The following PRDX6 variants were observed in gnomAD, a reference collection of about 807,000 sequenced individuals.
PRDX6 encodes the protein peroxiredoxin 6.
PRDX6 carries 13 observed loss-of-function variants against 20.0 expected under a neutral mutation model. The ratio of observed to expected loss-of-function variants is 0.65; its 90% confidence interval spans 0.42 to 1.03. PRDX6 has a LOEUF of 1.03. PRDX6 is among the 50% of genes least tolerant of loss of function. The pLI, the probability that PRDX6 is intolerant of heterozygous loss-of-function variation, is 0.00. For synonymous variants in PRDX6, 85 were observed against 100.8 expected, an observed-to-expected ratio of 0.84 and a Z score of 0.94; for missense variants, 203 against 276.9, an observed-to-expected ratio of 0.73 and a Z score of 1.89.
chr1:173,484,191 C>T lies in PRDX6; in HGVS notation c.253-1170C>T, dbSNP rs1016493984. Among the ~76,000 whole-genome samples, 108 of 139,640 alleles carry T rather than the reference C, an allele frequency of 7.7e-4. 1 individual carries two copies. Among genetic ancestry groups the T allele is most frequent in the African/African-American group, 2.7e-3 (101 of 37,672 alleles). The allele number at this position is 139,640 out of a possible 152,430, so 91.6% of individuals were successfully genotyped here. A position where few individuals can be genotyped will look rare whatever the true frequency, so the allele number is the denominator to read the frequency against. On this transcript the variant is annotated intron_variant, in intron 2 of 4. Transcript: ENST00000340385. ...ATTTATATATATACACACACACACACATACATATATATACATATGCACACG... is the reference window on the plus strand; with the variant it reads ...ATTTATATATATACACACACACACATATACATATATATACATATGCACACG...
Position 173,484,243 on chromosome 1 carries a change from A to ATGTG in PRDX6, c.253-1111_253-1108dup, listed in dbSNP as rs756190969. 1.3e-3 allele frequency among the ~76,000 whole-genome samples: 190 copies of ATGTG among 148,756 alleles called. 2 individuals are homozygous for ATGTG. The highest frequency in any genetic ancestry group is 2.4e-3 in the Non-Finnish European group (159 of 67,486). On this transcript the variant is annotated intron_variant, in intron 2 of 4. Coordinates refer to ENST00000340385, the MANE Select transcript of PRDX6 (RefSeq NM_004905.3). ...ATATAATATATATACACATATATATATGTGTGTGTGCATATATATATATAG... is the reference window on the plus strand; with the variant it reads ...ATATAATATATATACACATATATATATGTGTGTGTGTGTGCATATATATATATAG...
At chr1:173,480,239 G>A (rs1658778609) in intron 1 of PRDX6, among the ~76,000 whole-genome samples, 1 of 152,190 alleles carries the variant, frequency 6.6e-6, no homozygotes, top group African/African-American at 2.4e-5. Flanking sequence ...GAAACCTTGG[G>A]AGTTGAGTGG....
intron 2 of PRDX6, among the ~76,000 whole-genome samples, chr1:173,482,167 A>C (rs751538094): frequency 6.6e-6 from 1 of 152,170 alleles, no homozygotes. Flanking sequence ...CAAACTTGTC[A>C]GCTCTACCTT....
chr1:173,485,334 C>T (rs1464083705), intron 2 of PRDX6, 27 bp from the exon 3 acceptor site: 6 of 1,545,414 alleles, frequency 3.9e-6, no homozygotes, highest in Admixed American at 3.7e-5. Flanking sequence ...GTTTAGATTC[C>T]TCTTTCCCCT....
chr1:173,487,615 A>C (rs764624829), intron 4 of PRDX6, 120 bp from the exon 5 acceptor site: 24 of 1,105,740 alleles, frequency 2.2e-5, no homozygotes, highest in Admixed American at 1.9e-4. Flanking sequence ...CAGAGGGGAG[A>C]GTAAAGAACA....
At chr1:173,481,254 G>A in intron 1 of PRDX6, 72 bp from the exon 2 acceptor site, 8 of 1,411,954 alleles carry the variant, frequency 5.7e-6, no homozygotes, top group Non-Finnish European at 7.8e-6. Flanking sequence ...TCCAGAAGTT[G>A]TGACTTTTCA....
intron 1 of PRDX6, 89 bp from the exon 2 acceptor site, chr1:173,481,237 T>G: frequency 7.7e-7 from 1 of 1,300,766 alleles, no homozygotes; most frequent in Non-Finnish European, 1.1e-6. Flanking sequence ...AGAAAGCCTG[T>G]TTTTGATCCA....
intron 1 of PRDX6, among the ~76,000 whole-genome samples, chr1:173,479,475 C>T (rs1186900165): frequency 1.3e-5 from 2 of 152,180 alleles, no homozygotes; most frequent in African/African-American, 4.8e-5. Context: ...ATTTCTCTAC[C>T]TTACCCCTGA....
chr1:173,485,254 G>C, intron 2 of PRDX6, 107 bp from the exon 3 acceptor site: 1 of 1,097,864 alleles, frequency 9.1e-7, no homozygotes, highest in Non-Finnish European at 1.3e-6. Flanking sequence ...GAAAATTACT[G>C]TGATTTGGTC....
At position 173,478,517 on chromosome 1, in the gene PRDX6, T is replaced by C. The variant is rs35899698; in HGVS notation, c.95+1025T>C. Among the ~76,000 whole-genome samples, 1,098 of 146,030 alleles carry C rather than the reference T, an allele frequency of 7.5e-3. 25 individuals are homozygous for C. The highest frequency in any genetic ancestry group is 0.027 in the African/African-American group (1,050 of 38,670). On this transcript the variant is annotated intron_variant, in intron 1 of 4. Coordinates refer to ENST00000340385, the MANE Select transcript of PRDX6 (RefSeq NM_004905.3). Reference sequence around the variant, plus strand: ...AGGAGTAGTAAATCGGTGTTGCCCTTTTTTTTTTTTAACAGCTCCTGAATC... The same window carrying C: ...AGGAGTAGTAAATCGGTGTTGCCCTCTTTTTTTTTTAACAGCTCCTGAATC...
At chr1:173,486,958 T>C (rs1283621291) in intron 4 of PRDX6, among the ~76,000 whole-genome samples, 1 of 152,238 alleles carries the variant, frequency 6.6e-6, no homozygotes, top group Non-Finnish European at 1.5e-5. Flanking sequence ...TTTTGTTTTT[T>C]TCTGACAGAC....
rs534761114 is a variant in PRDX6, at chr1:173,477,618, G to T, written c.95+126G>T. The T allele has an allele frequency of 1.9e-4, 147 of 784,282 alleles. 3 individuals are homozygous for T. In the South Asian group the frequency reaches 2.3e-3, roughly 12 times the overall value. 48.6% of individuals were successfully genotyped at this position (784,282 alleles called of 1,614,324 possible). A position where few individuals can be genotyped will look rare whatever the true frequency, so the allele number is the denominator to read the frequency against. On this transcript the variant is annotated intron_variant, in intron 1 of 4. Coordinates refer to ENST00000340385, the MANE Select transcript of PRDX6 (RefSeq NM_004905.3). ...CCCTGCGCCGCCCTCGCCTTCCCCC[G>T]CACTGGTTCCGGCGCGCGCCAGGCC...
rs1658928561 is a variant in PRDX6, at chr1:173,487,966, G to T, written c.*103G>T. ...ACATCCTGGTGTCATCACAGCCAAG[G>T]TTTTTAGGTTGCTATACCAATGGCT... is the stretch of plus-strand genomic sequence containing the variant. On this transcript the variant is annotated 3_prime_UTR_variant, in exon 5 of 5. Transcript: ENST00000340385. 2.8e-6 allele frequency: 4 copies of T among 1,443,352 alleles called. No individual in the cohort carries two copies. The South Asian group carries it at 3.9e-5, about 14-fold the overall frequency. The allele number at this position is 1,443,352 out of a possible 1,614,324, so 89.4% of individuals were successfully genotyped here.
At chr1:173,479,982 C>G (rs908781763) in intron 1 of PRDX6, among the ~76,000 whole-genome samples, 11 of 152,250 alleles carry the variant, frequency 7.2e-5, no homozygotes, top group Non-Finnish European at 1.6e-4. Context: ...TTCTCAACTT[C>G]TGGAGACCTT....
chr1:173,477,771 TG>T (rs1241301481), intron 1 of PRDX6, among the ~76,000 whole-genome samples: 2 of 152,078 alleles, frequency 1.3e-5, no homozygotes, highest in Non-Finnish European at 2.9e-5. Context: ...CACGCCAAGG[TG>T]GGGGGTGGGG....
chr1:173,479,781 C>T (rs891744585), intron 1 of PRDX6, among the ~76,000 whole-genome samples: 3 of 152,166 alleles, frequency 2.0e-5, no homozygotes, highest in Admixed American at 2.0e-4. Flanking sequence ...GGAGTTTATC[C>T]TATTTGTAGC....
chr1:173,482,792 T>C (rs1658826410), intron 2 of PRDX6, among the ~76,000 whole-genome samples: 1 of 152,242 alleles, frequency 6.6e-6, no homozygotes, highest in African/African-American at 2.4e-5. Context: ...AGGGCAGTTA[T>C]CTGTCTTGAA....
rs748871147 is a variant in PRDX6 at position 173,477,374 on chromosome 1, C to A, written c.-24C>A. 1 of 1,586,392 alleles carries A rather than the reference C, an allele frequency of 6.3e-7. No homozygotes were observed. The highest frequency in any genetic ancestry group is 1.1e-5 in the South Asian group (1 of 89,202). The stretch of plus-strand genomic sequence containing the variant: ...ACCAACCGGTTGCTTGCTGTCCCAG[C>A]GGCGCCCCCTCATCACCGTCGCCAT... On this transcript the variant is annotated 5_prime_UTR_variant, in exon 1 of 5. Transcript: ENST00000340385.
rs770150248 is a variant in PRDX6, at chr1:173,485,475, G to T, written c.367G>T (p.Asp123Tyr). ...GGGCATGCTGGATCCAGCAGAGAAG[G>T]ATGAAAAGGGCATGCCTGTGACAGC... ...LLGMLDPAEK[D>Y]EKGMPVTARV... The change falls in exon 3 of 5, where the codon GAT (aspartate) becomes TAT (tyrosine). Residue 123 changes from aspartate to tyrosine, a missense_variant. By Grantham distance (160) the Asp-to-Tyr change is radical (BLOSUM62 -3). Coordinates refer to ENST00000340385, the MANE Select transcript of PRDX6 (RefSeq NM_004905.3). The T allele has an allele frequency of 1.7e-5, 27 of 1,606,680 alleles. No homozygotes were observed. The highest frequency in any genetic ancestry group is 3.4e-6 in the Non-Finnish European group (4 of 1,176,292).
Sources: gnomAD v4.1 joint callset for allele counts (sites outside exome capture counted in the v4.1 genomes callset) on GRCh38, gnomAD v4.1.1 for gene constraint, MANE v1.5 for transcripts, NCBI Gene and HGNC (gene_info 2026-07-23, HGNC 2026-07-21) for gene names.